CDC20B: variants seen among roughly 807,000 people sequenced by gnomAD.
CDC20B encodes cell division cycle 20B, also known as cell division cycle protein 20 homolog B.
A neutral mutation model predicts 64.1 loss-of-function variants in CDC20B; 58 were observed. That is an observed-to-expected ratio of 0.90 (90% CI 0.73 to 1.13). The LOEUF is 1.13. Ranked by LOEUF, CDC20B falls within the 50% of genes most tolerant of loss-of-function variation. CDC20B has a pLI of 0.00. For missense variants in CDC20B, 597 were observed against 633.0 expected (o/e 0.94, Z 0.61); for synonymous variants, 243 against 230.6 (o/e 1.05, Z -0.49).
At chr5:55,169,647 C>CA (rs1271535313) in intron 2 of CDC20B, among the ~76,000 whole-genome samples, 3 of 151,896 alleles carry the variant, frequency 2.0e-5, no homozygotes, top group Non-Finnish European at 4.4e-5. Flanking sequence ...GTAGATCTTC[C>CA]AAAAAAATGT....
chr5:55,164,121 T>C, intron 2 of CDC20B: 1 of 1,607,072 alleles, frequency 6.2e-7, no homozygotes, highest in Non-Finnish European at 8.5e-7. Flanking sequence ...GGTCAAGTTG[T>C]GAAGTTCTGG....
At chr5:55,130,544 C>T (rs1743004454) in intron 6 of CDC20B, among the ~76,000 whole-genome samples, 1 of 152,076 alleles carries the variant, frequency 6.6e-6, no homozygotes, top group Non-Finnish European at 1.5e-5. Flanking sequence ...ATCTTTCAAC[C>T]CAGAATTCTA....
intron 2 of CDC20B, among the ~76,000 whole-genome samples, chr5:55,152,563 A>G (rs1342081857): frequency 6.6e-6 from 1 of 152,220 alleles, no homozygotes; most frequent in Non-Finnish European, 1.5e-5. Flanking sequence ...GCAGCTGTAC[A>G]CTACATACAG....
chr5:55,146,854 T>C lies in CDC20B; in HGVS notation c.129A>G (p.Val43=), dbSNP rs1285742180. ...AATACGTAGCATTAACTGAATCGAGTACCTGTTTAACAACAAAAACAGCTG... is the reference window on the plus strand; with the variant it reads ...AATACGTAGCATTAACTGAATCGAGCACCTGTTTAACAACAAAAACAGCTG... ...KQKRSQDSAN[V]LDSVNATYSD... The change falls in exon 3 of 12, where the codon GTA becomes GTG. Residue 43 remains valine (V), a splice_region_variant and synonymous_variant. Transcript: ENST00000381375. 5 of 1,613,096 alleles carry C rather than the reference T, an allele frequency of 3.1e-6. No individual in the cohort carries two copies. In the African/African-American group the frequency reaches 6.7e-5, roughly 22 times the overall value.
rs1472329496 is a variant in CDC20B at position 55,172,950 on chromosome 5, C to G, written c.51G>C (p.Glu17Asp). The change falls in exon 1 of 12, where the codon GAG becomes GAC. Residue 17 changes from glutamate to aspartate, a missense_variant. Glu to Asp is a conservative substitution (Grantham distance 45). Around this residue, in one of 3 missense-constraint regions of CDC20B, gnomAD observed 241 missense variants for 219.2 expected, o/e 1.10. Coordinates refer to ENST00000381375, the MANE Select transcript of CDC20B (RefSeq NM_001170402.1). Reference sequence around the variant, plus strand: ...GGGTGTTACTCACCCACAGCATCTCCTCTTCCGTGCGGACCCTCCGAGGCG... The same window carrying G: ...GGGTGTTACTCACCCACAGCATCTCGTCTTCCGTGCGGACCCTCCGAGGCG... Reference protein sequence around the residue: ...RTAPRRVRTEEEMLWESIMRV... With the variant: ...RTAPRRVRTEDEMLWESIMRV... 2 of 1,610,664 alleles carry G rather than the reference C, an allele frequency of 1.2e-6. No individual in the cohort carries two copies. Among genetic ancestry groups the G allele is most frequent in the Non-Finnish European group, 1.7e-6 (2 of 1,178,662 alleles).
rs769177018 is a variant in CDC20B at position 55,119,850 on chromosome 5, A to G, written c.1410T>C (p.Asp470=). 1.2e-6 allele frequency: 2 copies of G among 1,614,106 alleles called. No individual in the cohort carries two copies. Among genetic ancestry groups the G allele is most frequent in the Non-Finnish European group, 1.7e-6 (2 of 1,179,952 alleles). ...CAGTGGGACAGGTCCACACAGTCAC[A>G]TCATTCTTGGGAGTACCTTGACCAG... The part of the protein sequence containing the change: ...IATGQGTPKN[D]VTVWTCPTVS... The change falls in exon 11 of 12, where the codon GAT becomes GAC. Residue 470 remains aspartate (D), a synonymous_variant. Transcript: ENST00000381375.
At chr5:55,143,306 T>C (rs1485354216) in intron 4 of CDC20B, among the ~76,000 whole-genome samples, 1 of 152,222 alleles carries the variant, frequency 6.6e-6, no homozygotes. Flanking sequence ...TAATCCCAAC[T>C]CAACATTTTC....
chr5:55,129,429 G>C (rs997397004), intron 6 of CDC20B, among the ~76,000 whole-genome samples: 1 of 152,124 alleles, frequency 6.6e-6, no homozygotes, highest in African/African-American at 2.4e-5. Context: ...TTTGCCCTGA[G>C]GACAGGCCCC....
intron 2 of CDC20B, chr5:55,160,054 G>A (rs1476277869): frequency 3.2e-6 from 2 of 626,966 alleles, no homozygotes; most frequent in Admixed American, 2.9e-5. Context: ...TTTCCCCTCT[G>A]AGAAGTGGTC....
chr5:55,151,280 A>T (rs1418722118), intron 2 of CDC20B, among the ~76,000 whole-genome samples: 1 of 152,180 alleles, frequency 6.6e-6, no homozygotes, highest in Non-Finnish European at 1.5e-5. Context: ...TGTTCAACTG[A>T]TTCTAATTTT....
At chr5:55,121,531 G>A (rs749872654) in intron 9 of CDC20B, among the ~76,000 whole-genome samples, 12 of 152,072 alleles carry the variant, frequency 7.9e-5, no homozygotes, top group Middle Eastern at 3.4e-3. Flanking sequence ...GTTTTTGTGC[G>A]TGTGTTTTAT....
chr5:55,152,198 C>G (rs970510111), intron 2 of CDC20B, among the ~76,000 whole-genome samples: 2 of 152,244 alleles, frequency 1.3e-5, no homozygotes, highest in African/African-American at 4.8e-5. Context: ...TGCTGACACC[C>G]CAGCTTCTGC....
intron 7 of CDC20B, among the ~76,000 whole-genome samples, chr5:55,127,746 A>G (rs1742931025): frequency 6.6e-6 from 1 of 152,192 alleles, no homozygotes; most frequent in Non-Finnish European, 1.5e-5. Context: ...GACACTTCCT[A>G]GAATCAGTAA....
intron 2 of CDC20B, among the ~76,000 whole-genome samples, chr5:55,169,854 C>CT (rs1744533582): frequency 6.6e-6 from 1 of 152,208 alleles, no homozygotes; most frequent in African/African-American, 2.4e-5. Flanking sequence ...TGGCTCACGC[C>CT]TGTAATCCCA....
At chr5:55,124,125 A>G (rs1182345111) in intron 9 of CDC20B, among the ~76,000 whole-genome samples, 1 of 152,226 alleles carries the variant, frequency 6.6e-6, no homozygotes. Flanking sequence ...TAAAAGAGAA[A>G]TAAATAATTA....
At position 55,143,581 on chromosome 5, in the gene CDC20B, G is replaced by A; in HGVS notation, c.418C>T (p.Leu140Phe). The A allele has an allele frequency of 1.2e-6, 2 of 1,610,148 alleles. No homozygotes were observed. Among genetic ancestry groups the A allele is most frequent in the Non-Finnish European group, 1.7e-6 (2 of 1,177,642 alleles). ...GCATGAGGTGCCTTGCAAAAATGGAGAGCAGAGTTACTTGTTTCAGAAATT... is the reference window on the plus strand; with the variant it reads ...GCATGAGGTGCCTTGCAAAAATGGAAAGCAGAGTTACTTGTTTCAGAAATT... ...KGISETSNSA[L>F]HFCKAPHAMD... Residue 140 changes from leucine (L) to phenylalanine (F), a missense_variant, in exon 4 of 12, where the codon CTC (leucine) becomes TTC (phenylalanine). Around this residue, in one of 3 missense-constraint regions of CDC20B, gnomAD observed 241 missense variants for 219.2 expected, o/e 1.10. Coordinates refer to ENST00000381375, the MANE Select transcript of CDC20B (RefSeq NM_001170402.1).
At chr5:55,123,447 T>C (rs1186029810) in intron 9 of CDC20B, among the ~76,000 whole-genome samples, 1 of 152,170 alleles carries the variant, frequency 6.6e-6, no homozygotes, top group African/African-American at 2.4e-5. Flanking sequence ...GCTTTTATAA[T>C]AAATATTTTG....
rs79646005 is a variant in CDC20B at position 55,115,580 on chromosome 5, G to A, written c.1460-1262C>T. Among the ~76,000 whole-genome samples the A allele has an allele frequency of 2.3e-3, 356 of 152,322 alleles. 2 individuals are homozygous for A. The highest frequency in any genetic ancestry group is 8.1e-3 in the African/African-American group (338 of 41,574). On this transcript the variant is annotated intron_variant, in intron 11 of 11. Transcript: ENST00000381375. ...GAAGCTGACTCTATGAAAGGAGCCT[G>A]AGGCTAGGAGAATGAGGGAGGAAAG... is the stretch of plus-strand genomic sequence containing the variant.
intron 2 of CDC20B, among the ~76,000 whole-genome samples, chr5:55,167,499 C>T (rs1276148395): frequency 6.6e-6 from 1 of 152,148 alleles, no homozygotes; most frequent in East Asian, 1.9e-4. Context: ...TGTAAATGCT[C>T]ATGCTCCCTC....
Sources: allele counts gnomAD v4.1 joint callset (sites outside exome capture counted in the v4.1 genomes callset), GRCh38; gene constraint gnomAD v4.1.1; regional missense constraint gnomAD v4.1.1; transcripts MANE v1.5; gene names NCBI Gene and HGNC (gene_info 2026-07-23, HGNC 2026-07-21).